The following LGR6 variants were observed in gnomAD, a reference collection of about 807,000 sequenced individuals.
LGR6 encodes leucine rich repeat containing G protein-coupled receptor 6.
LGR6 carries 45 observed loss-of-function variants against 69.4 expected under a neutral mutation model. The ratio of observed to expected loss-of-function variants is 0.65; its 90% confidence interval spans 0.51 to 0.83. LGR6 has a LOEUF of 0.83. Among genes scored for constraint, LGR6 ranks in the 40% least tolerant of loss-of-function variants. The pLI, the probability that LGR6 is intolerant of heterozygous loss-of-function variation, is 0.00. For synonymous variants in LGR6, 538 were observed against 555.0 expected, an observed-to-expected ratio of 0.97 and a Z score of 0.43; for missense variants, 1,108 against 1,246.7, an observed-to-expected ratio of 0.89 and a Z score of 1.68.
chr1:202,241,498 G>T (rs1215892035), intron 4 of LGR6, among the ~76,000 whole-genome samples: 1 of 152,212 alleles, frequency 6.6e-6, no homozygotes. Context: ...TGGGCAGGCA[G>T]CACCCAGCTC....
At chr1:202,307,491 A>G in intron 14 of LGR6, 90 bp downstream of exon 14, 1 of 1,044,994 alleles carries the variant, frequency 9.6e-7, no homozygotes, top group Non-Finnish European at 1.5e-6. Flanking sequence ...ACCCCAGAGC[A>G]GGAACATGCA....
At chr1:202,293,884 C>T (rs1268122082) in intron 6 of LGR6, among the ~76,000 whole-genome samples, 1 of 152,166 alleles carries the variant, frequency 6.6e-6, no homozygotes, top group Non-Finnish European at 1.5e-5. Flanking sequence ...TCTGTTAGGC[C>T]ACTCCTGCAA....
chr1:202,198,755 A>G (rs1253595615), intron 1 of LGR6, among the ~76,000 whole-genome samples: 8 of 149,934 alleles, frequency 5.3e-5, no homozygotes, highest in African/African-American at 1.7e-4. Flanking sequence ...AGACGCCAGC[A>G]TGCTCCCTTA....
chr1:202,269,836 C>G (rs1046891956), intron 4 of LGR6, among the ~76,000 whole-genome samples: 4 of 152,162 alleles, frequency 2.6e-5, no homozygotes, highest in Non-Finnish European at 5.9e-5. Flanking sequence ...GCACACTGAC[C>G]TTTGAATTTA....
intron 3 of LGR6, among the ~76,000 whole-genome samples, chr1:202,229,922 C>T (rs889106287): frequency 1.2e-4 from 19 of 152,186 alleles, no homozygotes; most frequent in Non-Finnish European, 8.8e-5. Flanking sequence ...ATCCTAGGCA[C>T]GAATTACTTT....
intron 3 of LGR6, 27 bp downstream of exon 3, chr1:202,228,034 A>G (rs1558017917): frequency 6.7e-7 from 1 of 1,500,430 alleles, no homozygotes; most frequent in South Asian, 1.1e-5. Flanking sequence ...CTCATTTTAC[A>G]TAGAGCTGCA....
chr1:202,204,563 CACAAACACACCTA>C (rs1659001279), intron 1 of LGR6, among the ~76,000 whole-genome samples: 2 of 143,790 alleles, frequency 1.4e-5, no homozygotes, highest in East Asian at 2.1e-4. Flanking sequence ...CACCTCCAAA[CACAAACACACCTA>C]ACACACACCT....
intron 1 of LGR6, among the ~76,000 whole-genome samples, chr1:202,222,944 A>C (rs1660265841): frequency 6.6e-6 from 1 of 152,168 alleles, no homozygotes; most frequent in Admixed American, 6.5e-5. Context: ...TCTACTAAAA[A>C]TACAAAAATA....
chr1:202,212,252 G>T (rs1351990761), intron 1 of LGR6, among the ~76,000 whole-genome samples: 1 of 152,196 alleles, frequency 6.6e-6, no homozygotes, highest in Non-Finnish European at 1.5e-5. Flanking sequence ...TTCCTAGGTG[G>T]AGAAGTGTGG....
intron 4 of LGR6, among the ~76,000 whole-genome samples, chr1:202,258,479 C>G (rs974963895): frequency 1.3e-5 from 2 of 151,752 alleles, no homozygotes; most frequent in African/African-American, 4.8e-5. Flanking sequence ...TTTTATGTAT[C>G]TCAGTAATAT....
At chr1:202,286,988 G>T (rs537713517) in intron 6 of LGR6, among the ~76,000 whole-genome samples, 2 of 152,024 alleles carry the variant, frequency 1.3e-5, no homozygotes, top group Non-Finnish European at 2.9e-5. Flanking sequence ...CCCCTCTGCC[G>T]ACTGCTCCAG....
intron 4 of LGR6, among the ~76,000 whole-genome samples, chr1:202,253,434 C>CCCACCACCTCACAGG (rs1391024145): frequency 6.6e-6 from 1 of 151,338 alleles, no homozygotes; most frequent in Non-Finnish European, 1.5e-5. Flanking sequence ...TCCCAAGTAG[C>CCCACCACCTCACAGG]TGGGATCACA....
intron 1 of LGR6, among the ~76,000 whole-genome samples, chr1:202,217,166 G>A (rs1438071945): frequency 6.6e-6 from 1 of 152,210 alleles, no homozygotes; most frequent in Non-Finnish European, 1.5e-5. Flanking sequence ...CTGCCCAGGG[G>A]CCCACACCCT....
At position 202,310,269 on chromosome 1, in the gene LGR6, G is replaced by A. The variant is rs1392914434; in HGVS notation, c.1479G>A (p.Gly493=). Residue 493 remains glycine, a synonymous_variant, in exon 16 of 18, where the codon GGG becomes GGA. Coordinates refer to ENST00000367278, the MANE Select transcript of LGR6 (RefSeq NM_001017403.2). Reference sequence around the variant, plus strand: ...GTGCCAGCTTCTTCAAGGCCTCTGGGCAGTGGGAGGCTGAAGACCTTCACC... The same window carrying A: ...GTGCCAGCTTCTTCAAGGCCTCTGGACAGTGGGAGGCTGAAGACCTTCACC... ...GMCASFFKAS[G]QWEAEDLHLD... 2 of 1,614,116 alleles carry A rather than the reference G, an allele frequency of 1.2e-6. No homozygotes were observed. The highest frequency in any genetic ancestry group is 1.3e-5 in the African/African-American group (1 of 75,010).
intron 1 of LGR6, chr1:202,196,975 C>T (rs1451542669): frequency 3.8e-6 from 2 of 525,528 alleles, no homozygotes; most frequent in Non-Finnish European, 3.9e-6. Flanking sequence ...CTTAGGTCCT[C>T]CTGACACAGA....
chr1:202,299,913 A>C (rs1289819977), intron 7 of LGR6, among the ~76,000 whole-genome samples: 4 of 152,226 alleles, frequency 2.6e-5, no homozygotes, highest in African/African-American at 9.6e-5. Flanking sequence ...TTTCCCAACT[A>C]ACCAAACACA....
chr1:202,197,328 C>T, intron 1 of LGR6: 1 of 510,172 alleles, frequency 2.0e-6, no homozygotes, highest in South Asian at 1.5e-5. Context: ...TGTCCAAAAA[C>T]TATTACCACT....
chr1:202,233,307 A>G (rs1291118069), intron 3 of LGR6, among the ~76,000 whole-genome samples: 2 of 151,896 alleles, frequency 1.3e-5, no homozygotes, highest in African/African-American at 4.8e-5. Flanking sequence ...GGCCCCTTGG[A>G]GCTCGGGACT....
chr1:202,267,180 C>T (rs1471479992), intron 4 of LGR6, among the ~76,000 whole-genome samples: 2 of 152,212 alleles, frequency 1.3e-5, no homozygotes, highest in Non-Finnish European at 2.9e-5. Context: ...CTCTATTGAA[C>T]AGTGTTGTCT....
Sources: allele counts gnomAD v4.1 joint callset (sites outside exome capture counted in the v4.1 genomes callset), GRCh38; gene constraint gnomAD v4.1.1; transcripts MANE v1.5; gene names NCBI Gene and HGNC (gene_info 2026-07-23, HGNC 2026-07-21).